The following ATOSA variants were observed in gnomAD, a reference collection of about 807,000 sequenced individuals.
The protein encoded by ATOSA is atos homolog protein A.
At chr15:52,624,227 G>A in the ATOSA span, among the ~76,000 whole-genome samples, 34 of 152,050 alleles carry the variant, frequency 2.2e-4, no homozygotes, top group Non-Finnish European at 1.2e-4. Context: ...GAGCTTAAAC[G>A]TTTTTGTTTT....
At chr15:52,608,105 G>C in the ATOSA span, among the ~76,000 whole-genome samples, 1 of 152,130 alleles carries the variant, frequency 6.6e-6, no homozygotes, top group Non-Finnish European at 1.5e-5. Flanking sequence ...GCCCAGGCTA[G>C]TCTCCAACTC....
chr15:52,619,708 T>G, the ATOSA span, among the ~76,000 whole-genome samples: 4 of 151,920 alleles, frequency 2.6e-5, no homozygotes, highest in African/African-American at 9.7e-5. Flanking sequence ...GGTGCATGCT[T>G]GTAATCCCAG....
chr15:52,624,963 G>A, the ATOSA span, among the ~76,000 whole-genome samples: 1 of 151,984 alleles, frequency 6.6e-6, no homozygotes, highest in Non-Finnish European at 1.5e-5. Flanking sequence ...ATTTTTAGTA[G>A]AGATGGGGTT....
the ATOSA span, among the ~76,000 whole-genome samples, chr15:52,607,060 ATTGT>A: frequency 3.9e-5 from 6 of 152,212 alleles, no homozygotes; most frequent in Non-Finnish European, 7.3e-5. Context: ...ATATTTATAA[ATTGT>A]TTGATTATCA....
chr15:52,610,724 G>A, the ATOSA span, among the ~76,000 whole-genome samples: 1 of 152,176 alleles, frequency 6.6e-6, no homozygotes, highest in Non-Finnish European at 1.5e-5. Flanking sequence ...ATTGTGCAAG[G>A]TGATTAAGAG....
chr15:52,706,806 A>G, the ATOSA span, among the ~76,000 whole-genome samples: 1 of 152,206 alleles, frequency 6.6e-6, no homozygotes, highest in Admixed American at 6.5e-5. Flanking sequence ...AAGCCAGATC[A>G]CACATTGTTT....
chr15:52,630,572 G>T, the ATOSA span, among the ~76,000 whole-genome samples: 1 of 152,086 alleles, frequency 6.6e-6, no homozygotes, highest in Non-Finnish European at 1.5e-5. Context: ...CAACAGAAGT[G>T]GTCATACACT....
At chr15:52,642,644 G>A in the ATOSA span, among the ~76,000 whole-genome samples, 1 of 152,050 alleles carries the variant, frequency 6.6e-6, no homozygotes, top group Non-Finnish European at 1.5e-5. Context: ...TGAAATCTTA[G>A]AATCACTTAC....
At chr15:52,630,727 T>C in the ATOSA span, among the ~76,000 whole-genome samples, 1 of 152,194 alleles carries the variant, frequency 6.6e-6, no homozygotes, top group Middle Eastern at 3.4e-3. Flanking sequence ...GAGACTAATA[T>C]AAGAATGTTC....
the ATOSA span, among the ~76,000 whole-genome samples, chr15:52,620,277 G>T: frequency 2.0e-5 from 3 of 152,172 alleles, no homozygotes; most frequent in Admixed American, 6.5e-5. Context: ...ATTTATGTAA[G>T]CGAGAGGTTC....
chr15:52,595,528 C>T, the ATOSA span, among the ~76,000 whole-genome samples: 543 of 150,172 alleles, frequency 3.6e-3, 2 homozygotes, highest in African/African-American at 0.013. Flanking sequence ...AGGCCCCACT[C>T]AGTGCAGTAT....
chr15:52,658,902 T>C, the ATOSA span: 4 of 396,290 alleles, frequency 1.0e-5, no homozygotes, highest in African/African-American at 8.3e-5. Flanking sequence ...GAAGGATTGC[T>C]TGAGCCTAGG....
chr15:52,694,184 G>A, the ATOSA span, among the ~76,000 whole-genome samples: 1 of 137,132 alleles, frequency 7.3e-6, no homozygotes, highest in African/African-American at 2.8e-5. Context: ...TTTTTTTTTT[G>A]AGATGAAGTT....
chr15:52,603,484 T>C, the ATOSA span, among the ~76,000 whole-genome samples: 1 of 151,978 alleles, frequency 6.6e-6, no homozygotes, highest in Admixed American at 6.6e-5. Flanking sequence ...TGGGCATATA[T>C]CTTAAGGAAA....
the ATOSA span, among the ~76,000 whole-genome samples, chr15:52,698,844 G>GTA: frequency 2.6e-5 from 4 of 152,144 alleles, no homozygotes; most frequent in African/African-American, 9.7e-5. Context: ...TTACTGTACT[G>GTA]TCTTCATTTT....
the ATOSA span, chr15:52,678,426 T>G: frequency 5.1e-6 from 1 of 196,432 alleles, no homozygotes; most frequent in Non-Finnish European, 1.0e-5. Context: ...CAACACAAAC[T>G]AACCCCTTCG....
chr15:52,636,160 A>T, the ATOSA span, among the ~76,000 whole-genome samples: 10 of 147,706 alleles, frequency 6.8e-5, no homozygotes, highest in East Asian at 1.6e-3. Context: ...ATAAATAATA[A>T]AAATAAATAA....
chr15:52,609,477 G>C, the ATOSA span: 1 of 1,612,424 alleles, frequency 6.2e-7, no homozygotes, highest in Non-Finnish European at 8.5e-7. Context: ...GCCGCTCCTG[G>C]AGTAAAGAGC....
the ATOSA span, among the ~76,000 whole-genome samples, chr15:52,617,714 C>A: frequency 6.7e-6 from 1 of 149,934 alleles, no homozygotes; most frequent in Non-Finnish European, 1.5e-5. Context: ...TTATTTTTCA[C>A]ATTATATAGT....
Sources: gnomAD v4.1 joint callset for allele counts (sites outside exome capture counted in the v4.1 genomes callset) on GRCh38, gnomAD v4.1.1 for gene constraint, MANE v1.5 for transcripts, NCBI Gene and HGNC (gene_info 2026-07-23, HGNC 2026-07-21) for gene names.